Variants in DOCK9 observed in about 807,000 individuals in gnomAD.
DOCK9 encodes the protein dedicator of cytokinesis 9.
DOCK9 carries 89 observed loss-of-function variants against 263.3 expected under a neutral mutation model. The observed-to-expected ratio is 0.34, with a 90% CI of 0.28 to 0.40. The LOEUF (loss-of-function observed/expected upper bound fraction) is 0.40. Ranked by LOEUF, DOCK9 falls within the 10% of genes least tolerant of loss-of-function variation. The pLI, the probability that DOCK9 is intolerant of heterozygous loss-of-function variation, is 1.00. For missense variants in DOCK9, 2,140 were observed against 2,603.4 expected, an observed-to-expected ratio of 0.82 and a Z score of 3.87; for synonymous variants, 976 against 973.1, an observed-to-expected ratio of 1.00 and a Z score of -0.06.
chr13:98,800,884 T>A (rs2090036274), intron 49 of DOCK9, among the ~76,000 whole-genome samples: 2 of 152,226 alleles, frequency 1.3e-5, no homozygotes, highest in South Asian at 4.1e-4. Context: ...AATAGTTCCA[T>A]AAAAATATCC....
At chr13:98,860,832 T>C (rs548500603) in intron 32 of DOCK9, among the ~76,000 whole-genome samples, 4 of 152,264 alleles carry the variant, frequency 2.6e-5, no homozygotes, top group African/African-American at 9.6e-5. Flanking sequence ...CGCCCAACAT[T>C]TCCTTAGATT....
At chr13:98,950,447 T>C (rs2057277073) in intron 2 of DOCK9, 7 of 650,096 alleles carry the variant, frequency 1.1e-5, no homozygotes, top group Non-Finnish European at 1.9e-5. Context: ...TGCTCTGCCA[T>C]CTTTCTAGTA....
intron 1 of DOCK9, among the ~76,000 whole-genome samples, chr13:98,995,863 G>A (rs562353385): frequency 7.2e-5 from 11 of 152,286 alleles, no homozygotes; most frequent in African/African-American, 2.2e-4. Context: ...ATTGAGGGGT[G>A]AGGAAATAGC....
chr13:98,946,352 G>C (rs2056705721), intron 2 of DOCK9, among the ~76,000 whole-genome samples: 1 of 152,066 alleles, frequency 6.6e-6, no homozygotes. Flanking sequence ...GGTTCCAACA[G>C]GGGGAGAACA....
upstream of DOCK9, among the ~76,000 whole-genome samples, chr13:98,983,006 A>G (rs1169681201): frequency 1.3e-5 from 2 of 152,224 alleles, no homozygotes; most frequent in African/African-American, 4.8e-5. Flanking sequence ...GCTAATAACC[A>G]TCTGAGGAAT....
intron 37 of DOCK9, chr13:98,846,879 T>C (rs1436882645): frequency 6.1e-6 from 2 of 329,760 alleles, no homozygotes; most frequent in Non-Finnish European, 1.2e-5. Context: ...CTTTTTCACA[T>C]GCAGCAGAGA....
At chr13:98,822,205 C>T (rs889382950) in intron 45 of DOCK9, among the ~76,000 whole-genome samples, 1 of 152,144 alleles carries the variant, frequency 6.6e-6, no homozygotes, top group African/African-American at 2.4e-5. Context: ...GTGACGAATC[C>T]GTCTTCTGAA....
In DOCK9 at chr13:98,888,521, T is replaced by C; in HGVS notation, c.1816A>G (p.Thr606Ala). 1 of 1,613,972 alleles carries C rather than the reference T, an allele frequency of 6.2e-7. No individual in the cohort carries two copies. The highest frequency in any genetic ancestry group is 8.5e-7 in the Non-Finnish European group (1 of 1,179,854). The change falls in exon 17 of 53, where the codon ACA becomes GCA. Residue 606 changes from threonine to alanine, a missense_variant. Thr to Ala is a moderately conservative substitution (Grantham distance 58). This residue lies in a region of DOCK9 where 1,521 missense variants were observed against 1,741.7 expected (regional missense o/e 0.87). Transcript: ENST00000682017. ...TTACTGCAGGTTTCAAATTGTTTTG[T>C]GGGAATGTATGATGAATTAACATAA... is the stretch of plus-strand genomic sequence containing the variant. ...PNYVNSSYIPTKQFETCSKTP... is the reference protein window; with the variant it reads ...PNYVNSSYIPAKQFETCSKTP...
At chr13:99,014,085 T>A (rs1389774946) in intron 1 of DOCK9, among the ~76,000 whole-genome samples, 1 of 152,158 alleles carries the variant, frequency 6.6e-6, no homozygotes, top group East Asian at 1.9e-4. Flanking sequence ...CCTGGCAGGT[T>A]ACTCTTCCCC....
intron 2 of DOCK9, among the ~76,000 whole-genome samples, chr13:98,942,231 TGTTG>T (rs386773790): frequency 3.9e-4 from 45 of 116,270 alleles, no homozygotes; most frequent in African/African-American, 6.7e-4. Flanking sequence ...TTTTTTTTTT[TGTTG>T]TTTTTTTTTT....
At chr13:99,085,860 G>A (rs1348959978) in intron 1 of DOCK9, among the ~76,000 whole-genome samples, 1 of 151,620 alleles carries the variant, frequency 6.6e-6, no homozygotes, top group Non-Finnish European at 1.5e-5. Flanking sequence ...ATACGGGGGA[G>A]GGATGCGGGG....
chr13:99,073,360 T>TTCTCTCTCCTCTC (rs1555307596), intron 1 of DOCK9, among the ~76,000 whole-genome samples: 1 of 141,300 alleles, frequency 7.1e-6, no homozygotes, highest in Non-Finnish European at 1.5e-5. Context: ...TCTTCTTCTT[T>TTCTCTCTCCTCTC]TCTCTCTCTC....
intron 45 of DOCK9, among the ~76,000 whole-genome samples, chr13:98,818,081 AC>A (rs1246414182): frequency 6.6e-6 from 1 of 152,218 alleles, no homozygotes; most frequent in Non-Finnish European, 1.5e-5. Flanking sequence ...CACAGATTTT[AC>A]CCAATAACAA....
intron 8 of DOCK9, among the ~76,000 whole-genome samples, chr13:98,914,680 A>G (rs1340722502): frequency 6.6e-6 from 1 of 152,138 alleles, no homozygotes; most frequent in Admixed American, 6.5e-5. Flanking sequence ...GAGACCCCCT[A>G]AAAGTCAGAC....
At position 98,796,341 on chromosome 13, in the gene DOCK9, G is replaced by C; in HGVS notation, c.6156+774C>G. On this transcript the variant is annotated intron_variant, in intron 52 of 52. Coordinates refer to ENST00000682017, the MANE Select transcript of DOCK9 (RefSeq NM_001366683.2). The stretch of plus-strand genomic sequence containing the variant: ...ATAGGATCACTCCACAAACGGCCCT[G>C]GCTTCCACTGTGCCAGACTGAAGGA... The C allele has an allele frequency of 4.5e-5, 34 of 761,016 alleles. No individual in the cohort carries two copies. In the South Asian group the frequency reaches 5.0e-4, roughly 11 times the overall value. The allele number at this position is 761,016 out of a possible 1,614,324, so 47.1% of individuals were successfully genotyped here.
At chr13:98,924,904 C>T (rs769729453) in intron 4 of DOCK9, among the ~76,000 whole-genome samples, 11 of 151,386 alleles carry the variant, frequency 7.3e-5, no homozygotes, top group Non-Finnish European at 1.3e-4. Flanking sequence ...GTGGCTAATG[C>T]TTGTAATCCC....
At chr13:98,836,923 T>G (rs562933711) in intron 39 of DOCK9, among the ~76,000 whole-genome samples, 2 of 152,186 alleles carry the variant, frequency 1.3e-5, no homozygotes, top group South Asian at 4.1e-4. Context: ...TTAGCAAGAA[T>G]GAGAAGTATT....
chr13:98,964,278 T>C (rs917489342), intron 1 of DOCK9, among the ~76,000 whole-genome samples: 3 of 152,178 alleles, frequency 2.0e-5, no homozygotes, highest in Non-Finnish European at 4.4e-5. Flanking sequence ...GACAGCCCTA[T>C]TGTATTTGCT....
intron 15 of DOCK9, among the ~76,000 whole-genome samples, chr13:98,892,175 C>T (rs1395409320): frequency 6.6e-6 from 1 of 152,170 alleles, no homozygotes; most frequent in African/African-American, 2.4e-5. Context: ...CTGCTCCTGT[C>T]TCTGTGTGAA....
Sources: allele counts gnomAD v4.1 joint callset (sites outside exome capture counted in the v4.1 genomes callset), GRCh38; gene constraint gnomAD v4.1.1; regional missense constraint gnomAD v4.1.1; transcripts MANE v1.5; gene names NCBI Gene and HGNC (gene_info 2026-07-23, HGNC 2026-07-21).